EPHA5: variants seen among roughly 807,000 people sequenced by gnomAD.
The protein encoded by EPHA5 is EPH receptor A5.
A neutral mutation model predicts 105.0 loss-of-function variants in EPHA5; 60 were observed. That is an observed-to-expected ratio of 0.57 (90% CI 0.46 to 0.71). The LOEUF (loss-of-function observed/expected upper bound fraction) is 0.71, where lower values mean the gene tolerates loss of function less well. Among genes scored for constraint, EPHA5 ranks in the 30% least tolerant of loss-of-function variants. The pLI is 0.00. For synonymous variants in EPHA5, 513 were observed against 449.1 expected (o/e 1.14, Z -1.80); for missense variants, 1,218 against 1,274.7 (o/e 0.96, Z 0.68).
At chr4:65,633,715 T>A (rs1250288463) in intron 2 of EPHA5, among the ~76,000 whole-genome samples, 1 of 152,032 alleles carries the variant, frequency 6.6e-6, no homozygotes, top group Admixed American at 6.6e-5. Flanking sequence ...GAAATTATAC[T>A]GGGAAATATG....
intron 3 of EPHA5, among the ~76,000 whole-genome samples, chr4:65,498,815 A>T (rs1189528324): frequency 6.6e-6 from 1 of 151,674 alleles, no homozygotes; most frequent in East Asian, 1.9e-4. Context: ...AGATGTTTAG[A>T]GAGAAAAAAA....
intron 3 of EPHA5, among the ~76,000 whole-genome samples, chr4:65,560,355 G>A (rs892328719): frequency 3.9e-5 from 6 of 151,996 alleles, no homozygotes; most frequent in African/African-American, 1.4e-4. Context: ...GGGTTCCCTA[G>A]ACAAAAGAAT....
chr4:65,326,635 G>A (rs1237440240), intron 16 of EPHA5, among the ~76,000 whole-genome samples: 1 of 151,226 alleles, frequency 6.6e-6, no homozygotes, highest in Non-Finnish European at 1.5e-5. Context: ...AGAGAAAAAG[G>A]ATGAAAATTT....
chr4:65,392,925 G>A (rs973569822), intron 8 of EPHA5, among the ~76,000 whole-genome samples: 3 of 152,018 alleles, frequency 2.0e-5, no homozygotes, highest in South Asian at 2.1e-4. Flanking sequence ...CTTACTGGCC[G>A]GCAGAAGAGA....
chr4:65,641,218 A>G (rs1747633679), intron 2 of EPHA5, among the ~76,000 whole-genome samples: 1 of 152,154 alleles, frequency 6.6e-6, no homozygotes, highest in African/African-American at 2.4e-5. Flanking sequence ...TTGGCTTTTC[A>G]AGACTACCTC....
At chr4:65,373,417 G>T (rs369597832) in intron 8 of EPHA5, among the ~76,000 whole-genome samples, 1 of 151,652 alleles carries the variant, frequency 6.6e-6, no homozygotes. Context: ...CACTCCCCCC[G>T]GCAGATATCT....
At chr4:65,372,363 A>C (rs2148908084) in intron 8 of EPHA5, among the ~76,000 whole-genome samples, 1 of 152,046 alleles carries the variant, frequency 6.6e-6, no homozygotes, top group East Asian at 1.9e-4. Flanking sequence ...ACATTGATTA[A>C]ATTTTGTTTT....
chr4:65,357,554 C>G (rs1723422315), intron 11 of EPHA5, among the ~76,000 whole-genome samples: 1 of 151,218 alleles, frequency 6.6e-6, no homozygotes, highest in African/African-American at 2.4e-5. Context: ...GCTCATTACC[C>G]ACATATGATC....
chr4:65,358,271 T>C (rs1040946564), intron 11 of EPHA5, among the ~76,000 whole-genome samples: 8 of 151,512 alleles, frequency 5.3e-5, no homozygotes, highest in African/African-American at 1.9e-4. Flanking sequence ...AAACACATGA[T>C]ACCACTTAAG....
intron 3 of EPHA5, among the ~76,000 whole-genome samples, chr4:65,531,729 G>C (rs908677481): frequency 2.0e-5 from 3 of 151,242 alleles, no homozygotes; most frequent in Admixed American, 6.6e-5. Flanking sequence ...TGATCATAAA[G>C]AGGATATACT....
At chr4:65,440,658 G>A (rs1254471949) in intron 5 of EPHA5, among the ~76,000 whole-genome samples, 1 of 151,936 alleles carries the variant, frequency 6.6e-6, no homozygotes, top group Non-Finnish European at 1.5e-5. Context: ...GTAATCATAA[G>A]CAATTCAAAG....
At chr4:65,631,029 A>G (rs758936818) in intron 2 of EPHA5, among the ~76,000 whole-genome samples, 14 of 152,254 alleles carry the variant, frequency 9.2e-5, no homozygotes, top group South Asian at 2.1e-4. Flanking sequence ...TTGAAGATCA[A>G]TTTTATTATT....
chr4:65,405,895 T>C (rs1722311235), intron 7 of EPHA5, among the ~76,000 whole-genome samples: 1 of 152,064 alleles, frequency 6.6e-6, no homozygotes, highest in Non-Finnish European at 1.5e-5. Flanking sequence ...TTTTTTTCTC[T>C]CTTTCTCCTT....
intron 1 of EPHA5, among the ~76,000 whole-genome samples, chr4:65,661,191 G>A (rs1190202851): frequency 2.0e-5 from 3 of 152,098 alleles, no homozygotes; most frequent in Admixed American, 2.0e-4. Flanking sequence ...TTAGAGACTA[G>A]CACAAACAAA....
chr4:65,502,700 T>C (rs1732617046), intron 3 of EPHA5, among the ~76,000 whole-genome samples: 1 of 151,698 alleles, frequency 6.6e-6, no homozygotes, highest in Non-Finnish European at 1.5e-5. Flanking sequence ...ATTTCTCAAA[T>C]AACTGAAAAC....
intron 3 of EPHA5, among the ~76,000 whole-genome samples, chr4:65,547,190 C>A (rs1560679680): frequency 6.6e-6 from 1 of 151,592 alleles, no homozygotes. Flanking sequence ...ATGGCAATGA[C>A]AGGGCATTCT....
chr4:65,572,271 C>T (rs1181452273), intron 3 of EPHA5, among the ~76,000 whole-genome samples: 5 of 152,010 alleles, frequency 3.3e-5, no homozygotes, highest in African/African-American at 9.7e-5. Flanking sequence ...TTTAATTATT[C>T]TGAAATTAGT....
At chr4:65,325,031 GTATTTGTCAGATA>G (rs1345762917) in intron 16 of EPHA5, among the ~76,000 whole-genome samples, 1 of 151,158 alleles carries the variant, frequency 6.6e-6, no homozygotes, top group Non-Finnish European at 1.5e-5. Context: ...CCTAAAGTAT[GTATTTGTCAGATA>G]TGTTTGGCAA....
At chr4:65,349,124 G>T (rs1218533295) in intron 13 of EPHA5, among the ~76,000 whole-genome samples, 1 of 151,660 alleles carries the variant, frequency 6.6e-6, no homozygotes, top group East Asian at 2.0e-4. Flanking sequence ...CATAATATTG[G>T]ATATATTAAA....
Sources: allele counts gnomAD v4.1 joint callset (sites outside exome capture counted in the v4.1 genomes callset), GRCh38; gene constraint gnomAD v4.1.1; transcripts MANE v1.5; gene names NCBI Gene and HGNC (gene_info 2026-07-23, HGNC 2026-07-21).